ACTL8: variants seen among roughly 807,000 people sequenced by gnomAD.
ACTL8 encodes actin like 8.
Under a neutral mutation model 9.3 loss-of-function variants are expected in ACTL8, and 3 were observed. That is an observed-to-expected ratio of 0.32 (90% CI 0.15 to 0.83). ACTL8 has a LOEUF of 0.83. ACTL8 is among the 40% of genes least tolerant of loss of function. The pLI is 0.57. For synonymous variants in ACTL8, 224 were observed against 205.9 expected (o/e 1.09, Z -0.75); for missense variants, 381 against 492.2 (o/e 0.77, Z 2.14).
At chr1:17,765,717 T>A (rs1161893577) in intron 1 of ACTL8, among the ~76,000 whole-genome samples, 1 of 152,200 alleles carries the variant, frequency 6.6e-6, no homozygotes, top group Admixed American at 6.5e-5. Context: ...ACGATCTGTC[T>A]CCACTCCCCG....
rs756685710 is a variant in ACTL8 at position 17,826,132 on chromosome 1, T to C, written c.714T>C (p.Tyr238=). ...GTGCCTTGGATGAGAGCAACACCTA[T>C]CAGCTCCCAGACGGCTCCCGCGTGG... ...QQSALDESNT[Y]QLPDGSRVEL... The change falls in exon 3 of 3, where the codon TAT becomes TAC. Residue 238 remains tyrosine, a synonymous_variant. Transcript: ENST00000375406. The surrounding 1 kb of genome is among the most constrained non-coding windows in gnomAD (Gnocchi z 4.5). 16 of 1,610,898 alleles carry C rather than the reference T, an allele frequency of 9.9e-6. No homozygotes were observed. The highest frequency in any genetic ancestry group is 1.3e-5 in the Non-Finnish European group (15 of 1,178,950).
chr1:17,809,313 G>A (rs2066378447), intron 1 of ACTL8, among the ~76,000 whole-genome samples: 1 of 152,148 alleles, frequency 6.6e-6, no homozygotes, highest in African/African-American at 2.4e-5. Context: ...TTGGAGTTGA[G>A]TGGTCAGGAA....
chr1:17,819,466 A>G (rs1221669881), intron 1 of ACTL8, among the ~76,000 whole-genome samples: 3 of 152,230 alleles, frequency 2.0e-5, no homozygotes, highest in Non-Finnish European at 4.4e-5. Context: ...GCCACTGGCC[A>G]GGGCCAGGCC....
At chr1:17,820,675 C>T (rs970366442) in intron 1 of ACTL8, among the ~76,000 whole-genome samples, 1 of 151,484 alleles carries the variant, frequency 6.6e-6, no homozygotes, top group Admixed American at 6.6e-5. Flanking sequence ...TCAAGGGAAT[C>T]TCCTCCCTCA....
At chr1:17,769,871 T>C (rs918879838) in intron 1 of ACTL8, among the ~76,000 whole-genome samples, 1 of 152,212 alleles carries the variant, frequency 6.6e-6, no homozygotes, top group Non-Finnish European at 1.5e-5. Context: ...TAGCAACTTA[T>C]TTGAAATTTT....
chr1:17,774,373 A>G (rs537320649), intron 1 of ACTL8, among the ~76,000 whole-genome samples: 107 of 152,172 alleles, frequency 7.0e-4, no homozygotes, highest in Non-Finnish European at 1.3e-3. Context: ...CACCAGGCAC[A>G]TAGTAGGTGC....
rs1395100625 is a variant in ACTL8 at position 17,826,940 on chromosome 1, AT to A, written c.*424del. The A allele has an allele frequency of 6.5e-6, 1 of 154,868 alleles. No individual in the cohort carries two copies. The highest frequency in any genetic ancestry group is 1.4e-5 in the Non-Finnish European group (1 of 69,950). 9.6% of individuals were successfully genotyped at this position (154,868 alleles called of 1,614,324 possible). On this transcript the variant is annotated 3_prime_UTR_variant, in exon 3 of 3. Coordinates refer to ENST00000375406, the MANE Select transcript of ACTL8 (RefSeq NM_030812.3). This position sits in a 1 kb window ranked among gnomAD's most constrained non-coding sequence, Gnocchi z 4.5. Reference sequence around the variant, plus strand: ...GACTAGGGGATGGGGGACAGTTGACATTTCTGGTCCTACAGGCCCTTTCTGG... The same window carrying A: ...GACTAGGGGATGGGGGACAGTTGACATTCTGGTCCTACAGGCCCTTTCTGG...
intron 1 of ACTL8, among the ~76,000 whole-genome samples, chr1:17,809,130 G>T (rs904260539): frequency 6.6e-6 from 1 of 152,154 alleles, no homozygotes; most frequent in Admixed American, 6.5e-5. Context: ...ACAAAAATAT[G>T]CCAGTTACGT....
At chr1:17,820,105 A>T (rs2124192060) in intron 1 of ACTL8, among the ~76,000 whole-genome samples, 1 of 152,334 alleles carries the variant, frequency 6.6e-6, no homozygotes, top group Admixed American at 6.5e-5. Context: ...AGCTCCACAA[A>T]CAAGATACAG....
chr1:17,825,917 C>G lies in ACTL8; in HGVS notation c.499C>G (p.Pro167Ala), dbSNP rs2053712347. 6.2e-7 allele frequency: 1 copy of G among 1,612,620 alleles called. No homozygotes were observed. Among genetic ancestry groups the G allele is most frequent in the Admixed American group, 1.7e-5 (1 of 60,014 alleles). ...VQPFHQGRPL[P>A]ASGKTLEFAG... ...GCCTTTCCACCAGGGCCGCCCCTTG[C>G]CCGCCAGCGGCAAGACGCTGGAGTT... Residue 167 changes from proline to alanine, a missense_variant, in exon 3 of 3, where the codon CCC becomes GCC. This residue lies in a region of ACTL8 where 243 missense variants were observed against 276.2 expected (regional missense o/e 0.88). Coordinates refer to ENST00000375406, the MANE Select transcript of ACTL8 (RefSeq NM_030812.3).
chr1:17,810,542 A>T (rs1046135007), intron 1 of ACTL8, among the ~76,000 whole-genome samples: 7 of 152,194 alleles, frequency 4.6e-5, no homozygotes, highest in Non-Finnish European at 7.3e-5. Flanking sequence ...TTAAAATGTC[A>T]TGTGGCGAGA....
At chr1:17,808,595 T>A (rs529997541) in intron 1 of ACTL8, among the ~76,000 whole-genome samples, 1 of 152,158 alleles carries the variant, frequency 6.6e-6, no homozygotes, top group Non-Finnish European at 1.5e-5. Context: ...CATCATTGGG[T>A]TTTTATGCGG....
chr1:17,790,981 AG>A (rs2066234583), intron 1 of ACTL8, among the ~76,000 whole-genome samples: 2 of 151,478 alleles, frequency 1.3e-5, no homozygotes, highest in South Asian at 4.2e-4. Flanking sequence ...TGCTAACAGC[AG>A]GGGGAAGCCA....
intron 1 of ACTL8, among the ~76,000 whole-genome samples, chr1:17,803,708 A>T (rs2066339461): frequency 1.3e-5 from 2 of 152,218 alleles, no homozygotes. Flanking sequence ...GTGAGAGTGT[A>T]TGCTGCATTG....
At chr1:17,809,722 C>T (rs1322476645) in intron 1 of ACTL8, among the ~76,000 whole-genome samples, 3 of 151,946 alleles carry the variant, frequency 2.0e-5, no homozygotes, top group Admixed American at 6.6e-5. Context: ...TGTCTCCCAT[C>T]ACTCCCAGAT....
At chr1:17,764,957 GAC>G (rs1215201466) in intron 1 of ACTL8, among the ~76,000 whole-genome samples, 1 of 152,202 alleles carries the variant, frequency 6.6e-6, no homozygotes, top group Non-Finnish European at 1.5e-5. Flanking sequence ...GGGCTGTATA[GAC>G]ACCAGATGTT....
chr1:17,811,365 G>A (rs938493578), intron 1 of ACTL8, among the ~76,000 whole-genome samples: 2 of 152,180 alleles, frequency 1.3e-5, no homozygotes, highest in African/African-American at 2.4e-5. Flanking sequence ...TGTGTGATGT[G>A]TGACTTGCAA....
In ACTL8 at chr1:17,804,893, G is replaced by T. The variant is rs561735165; in HGVS notation, c.-24-18092G>T. On this transcript the variant is annotated intron_variant, in intron 1 of 2. Coordinates refer to ENST00000375406, the MANE Select transcript of ACTL8 (RefSeq NM_030812.3). The stretch of plus-strand genomic sequence containing the variant: ...GGCTCCCAAAGTGCTGGGATTACAG[G>T]TGTGAGCCACTGTGCCCGGCAGTCC... 2.0e-5 allele frequency among the ~76,000 whole-genome samples: 3 copies of T among 152,176 alleles called. No individual in the cohort carries two copies. In the East Asian group the frequency reaches 5.8e-4, roughly 29 times the overall value.
rs138515724 is a variant in ACTL8, at chr1:17,755,502, C to A, written c.-27C>A. The A allele has an allele frequency of 6.6e-6, 1 of 151,322 alleles. No homozygotes were observed. Among genetic ancestry groups the A allele is most frequent in the African/African-American group, 2.4e-5 (1 of 41,122 alleles). The allele number at this position is 151,322 out of a possible 1,614,324, so 9.4% of individuals were successfully genotyped here. On this transcript the variant is annotated splice_region_variant and 5_prime_UTR_variant, in exon 1 of 3. The change creates a new upstream start codon in the 5' untranslated region. Transcript: ENST00000375406. ...TTGTGGCATCTTACAGGGCAGATTT[C>A]TGGTACGTTCTAAAAGTTGAATTTC...
Sources: allele counts gnomAD v4.1 joint callset (sites outside exome capture counted in the v4.1 genomes callset), GRCh38; gene constraint gnomAD v4.1.1; regional missense constraint gnomAD v4.1.1; non-coding constraint Gnocchi (gnomAD v3.1); transcripts MANE v1.5; gene names NCBI Gene and HGNC (gene_info 2026-07-23, HGNC 2026-07-21).